ANO4: variants seen among roughly 807,000 people sequenced by gnomAD.
ANO4 encodes anoctamin-4.
ANO4 carries 69 observed loss-of-function variants against 141.9 expected under a neutral mutation model. That is an observed-to-expected ratio of 0.49 (90% CI 0.40 to 0.59). The LOEUF is 0.59. ANO4 is among the 20% of genes least tolerant of loss of function. The pLI is 0.00. For synonymous variants in ANO4, 350 were observed against 394.3 expected, an observed-to-expected ratio of 0.89 and a Z score of 1.33; for missense variants, 894 against 1,162.2, an observed-to-expected ratio of 0.77 and a Z score of 3.36.
chr12:100,727,021 G>C (rs1171246953), intron 1 of ANO4, among the ~76,000 whole-genome samples: 1 of 151,110 alleles, frequency 6.6e-6, no homozygotes, highest in Non-Finnish European at 1.5e-5. Context: ...ACAGATTAGG[G>C]TTGAAAAACA....
intron 14 of ANO4, among the ~76,000 whole-genome samples, chr12:101,052,494 C>T (rs1029891023): frequency 6.6e-6 from 1 of 152,044 alleles, no homozygotes; most frequent in African/African-American, 2.4e-5. Context: ...CTCTCTCTCC[C>T]CCTTGTTTTT....
At chr12:101,123,308 G>A (rs1468659679) in intron 26 of ANO4, among the ~76,000 whole-genome samples, 1 of 152,156 alleles carries the variant, frequency 6.6e-6, no homozygotes, top group Non-Finnish European at 1.5e-5. Context: ...CTTGTTGTTT[G>A]TTTGGGATTT....
chr12:100,848,125 G>GT (rs999174094), intron 1 of ANO4, among the ~76,000 whole-genome samples: 31 of 151,968 alleles, frequency 2.0e-4, no homozygotes, highest in East Asian at 3.9e-4. Context: ...GATTTCATTT[G>GT]TTTTTTTTCT....
intron 8 of ANO4, among the ~76,000 whole-genome samples, chr12:101,007,722 G>T (rs1174557275): frequency 6.6e-6 from 1 of 152,100 alleles, no homozygotes; most frequent in African/African-American, 2.4e-5. Flanking sequence ...TCAGAGTTTT[G>T]TTTTTGTTTC....
intron 14 of ANO4, chr12:101,068,710 G>A (rs550727212): frequency 7.7e-7 from 1 of 1,291,698 alleles, no homozygotes; most frequent in Non-Finnish European, 1.1e-6. Flanking sequence ...TGTGAAAGCT[G>A]ACAAAATGAC....
intron 14 of ANO4, among the ~76,000 whole-genome samples, chr12:101,078,731 C>A (rs1383639561): frequency 6.6e-6 from 1 of 152,150 alleles, no homozygotes; most frequent in Non-Finnish European, 1.5e-5. Flanking sequence ...CTATCAAATA[C>A]ATGTGAACTG....
chr12:101,032,528 G>A (rs147888168), intron 9 of ANO4, among the ~76,000 whole-genome samples: 3,706 of 152,246 alleles, frequency 0.024, 149 homozygotes, highest in African/African-American at 0.085. Flanking sequence ...GAGTGAACAG[G>A]CAACCCACAA....
intron 1 of ANO4, among the ~76,000 whole-genome samples, chr12:100,730,012 C>T (rs1341227594): frequency 6.6e-6 from 1 of 152,120 alleles, no homozygotes; most frequent in African/African-American, 2.4e-5. Flanking sequence ...CCTCCTCATT[C>T]ATAGTCATTT....
At chr12:100,871,873 G>GTAA (rs1244320337) in intron 1 of ANO4, among the ~76,000 whole-genome samples, 1 of 152,154 alleles carries the variant, frequency 6.6e-6, no homozygotes, top group Non-Finnish European at 1.5e-5. Context: ...ACCTCCTAAT[G>GTAA]TCATCACATT....
chr12:100,789,818 C>CT, upstream of ANO4, among the ~76,000 whole-genome samples: 1 of 152,168 alleles, frequency 6.6e-6, no homozygotes, highest in Non-Finnish European at 1.5e-5. Flanking sequence ...TGGATTCATT[C>CT]TTTGTGTACT....
chr12:100,785,011 A>G (rs1036014835), intron 3 of ANO4, among the ~76,000 whole-genome samples: 2 of 151,830 alleles, frequency 1.3e-5, no homozygotes, highest in African/African-American at 4.8e-5. Context: ...TTCTAGAGGT[A>G]TCTACTTCGT....
chr12:100,720,623 G>T (rs1163185398), intron 1 of ANO4, among the ~76,000 whole-genome samples: 1 of 151,890 alleles, frequency 6.6e-6, no homozygotes, highest in African/African-American at 2.4e-5. Context: ...GTTTGCCTGG[G>T]TTCTCTCAAA....
At chr12:100,907,027 A>G (rs1440769029) in intron 2 of ANO4, among the ~76,000 whole-genome samples, 5 of 152,276 alleles carry the variant, frequency 3.3e-5, no homozygotes, top group Admixed American at 6.5e-5. Context: ...GATGTTGGAC[A>G]ATTGTCTTCA....
intron 1 of ANO4, among the ~76,000 whole-genome samples, chr12:100,723,913 C>T (rs1285317045): frequency 7.9e-5 from 12 of 152,092 alleles, no homozygotes; most frequent in African/African-American, 2.7e-4. Context: ...GACACACAGT[C>T]CACAGCTCCC....
At chr12:100,887,427 T>C (rs1163885975) in intron 1 of ANO4, among the ~76,000 whole-genome samples, 1 of 152,206 alleles carries the variant, frequency 6.6e-6, no homozygotes, top group Non-Finnish European at 1.5e-5. Flanking sequence ...TACTCTCTTA[T>C]GAAAAATGCC....
intron 8 of ANO4, among the ~76,000 whole-genome samples, chr12:101,007,513 TA>T: frequency 6.6e-6 from 1 of 152,342 alleles, no homozygotes; most frequent in Admixed American, 6.5e-5. Flanking sequence ...ATTTGAAAGA[TA>T]AGAATTCTAA....
At chr12:101,111,067 A>G (rs2050645779) in intron 23 of ANO4, among the ~76,000 whole-genome samples, 1 of 152,240 alleles carries the variant, frequency 6.6e-6, no homozygotes, top group East Asian at 1.9e-4. Context: ...CTTAGCACAG[A>G]GCAGGCAGTC....
intron 1 of ANO4, among the ~76,000 whole-genome samples, chr12:100,820,724 C>T (rs1342305474): frequency 6.6e-6 from 1 of 152,052 alleles, no homozygotes; most frequent in African/African-American, 2.4e-5. Context: ...GTGGGTTTCA[C>T]CCCAAAGTGT....
At chr12:100,786,551 G>A (rs1346016315) in intron 3 of ANO4, among the ~76,000 whole-genome samples, 2 of 152,070 alleles carry the variant, frequency 1.3e-5, no homozygotes, top group Non-Finnish European at 2.9e-5. Context: ...AGGAAGACAG[G>A]GTTTTTTTCC....
Sources: gnomAD v4.1 joint callset for allele counts (sites outside exome capture counted in the v4.1 genomes callset) on GRCh38, gnomAD v4.1.1 for gene constraint, MANE v1.5 for transcripts, NCBI Gene and HGNC (gene_info 2026-07-23, HGNC 2026-07-21) for gene names.